ASIC2: variants seen among roughly 807,000 people sequenced by gnomAD.
The protein encoded by ASIC2 is acid sensing ion channel subunit 2.
ASIC2 carries 25 observed loss-of-function variants against 57.3 expected under a neutral mutation model. The ratio of observed to expected loss-of-function variants is 0.44; its 90% CI spans 0.32 to 0.61. The LOEUF is 0.61. ASIC2 is among the 20% of genes least tolerant of loss of function. The pLI, the probability that ASIC2 is intolerant of heterozygous loss-of-function variation, is 0.06. For missense variants in ASIC2, 641 were observed against 738.1 expected (o/e 0.87, Z 1.52); for synonymous variants, 319 against 307.5 (o/e 1.04, Z -0.39).
intron 1 of ASIC2, among the ~76,000 whole-genome samples, chr17:34,030,320 A>T (rs1377495559): frequency 1.3e-5 from 2 of 152,136 alleles, no homozygotes; most frequent in Non-Finnish European, 2.9e-5. Flanking sequence ...TAATCCATCC[A>T]TTCGAAATTT....
intron 1 of ASIC2, among the ~76,000 whole-genome samples, chr17:33,462,343 G>A (rs1912666836): frequency 6.6e-6 from 1 of 152,206 alleles, no homozygotes; most frequent in African/African-American, 2.4e-5. Flanking sequence ...AGTCAAAACA[G>A]GATATGAGTG....
intron 1 of ASIC2, among the ~76,000 whole-genome samples, chr17:33,833,513 CGTGTGTGT>C (rs142945917): frequency 1.4e-3 from 206 of 149,290 alleles, no homozygotes; most frequent in Non-Finnish European, 2.4e-3. Flanking sequence ...TGTGTATGTG[CGTGTGTGT>C]GTGTGTGTAC....
chr17:33,176,714 T>G (rs1451657996), intron 1 of ASIC2, among the ~76,000 whole-genome samples: 1 of 152,204 alleles, frequency 6.6e-6, no homozygotes, highest in East Asian at 1.9e-4. Context: ...CAGGGAAGTA[T>G]GCAGAGGAAG....
At chr17:33,344,849 AG>A (rs1907880472) in intron 1 of ASIC2, among the ~76,000 whole-genome samples, 1 of 151,892 alleles carries the variant, frequency 6.6e-6, no homozygotes, top group Non-Finnish European at 1.5e-5. Context: ...TGGCCTATAT[AG>A]GGGCCAACAT....
At chr17:33,836,069 T>TATAC (rs1555565425) in intron 1 of ASIC2, among the ~76,000 whole-genome samples, 1 of 146,450 alleles carries the variant, frequency 6.8e-6, no homozygotes, top group Non-Finnish European at 1.5e-5. Flanking sequence ...ATTATATATA[T>TATAC]ACACACACAC....
At chr17:33,325,210 A>G (rs1219749438) in intron 1 of ASIC2, among the ~76,000 whole-genome samples, 1 of 152,258 alleles carries the variant, frequency 6.6e-6, no homozygotes, top group Non-Finnish European at 1.5e-5. Flanking sequence ...ATAAGCAGAT[A>G]TTCACACAAA....
At chr17:33,467,635 C>A (rs1471112071) in intron 1 of ASIC2, among the ~76,000 whole-genome samples, 1 of 152,208 alleles carries the variant, frequency 6.6e-6, no homozygotes, top group African/African-American at 2.4e-5. Flanking sequence ...AAACCTTGGT[C>A]TCCACAACCC....
chr17:34,039,558 TG>T lies in ASIC2; in HGVS notation c.555+116419del, dbSNP rs370678341. On this transcript the variant is annotated intron_variant, in intron 1 of 9. Coordinates refer to the ASIC2 transcript ENST00000359872. ...GTTGCAGTGAGGATCGTGCAACTGGTGGAACACTTCTGCCAGGGCTGGTTCC... is the reference window on the plus strand; with the variant it reads ...GTTGCAGTGAGGATCGTGCAACTGGTGAACACTTCTGCCAGGGCTGGTTCC... 257 of 1,613,928 alleles carry T rather than the reference TG, an allele frequency of 1.6e-4. No individual in the cohort carries two copies. The African/African-American group carries it at 3.3e-3, about 21-fold the overall frequency.
In ASIC2 at chr17:33,222,763, A is replaced by G. The variant is rs146554868; in HGVS notation, c.708+68645T>C. ...AATATATTTATATGTTTCTTAAAAG[A>G]GAGCATCTTGTGCAAAATACTATTC... On this transcript the variant is annotated intron_variant, in intron 1 of 9. Coordinates refer to ENST00000225823, the MANE Select transcript of ASIC2 (RefSeq NM_183377.2). Among the ~76,000 whole-genome samples the G allele has an allele frequency of 2.8e-3, 421 of 152,352 alleles. 2 individuals carry two copies. The highest frequency in any genetic ancestry group is 9.4e-3 in the African/African-American group (389 of 41,568).
At chr17:33,919,664 T>C (rs752547970) in intron 1 of ASIC2, among the ~76,000 whole-genome samples, 11 of 152,150 alleles carry the variant, frequency 7.2e-5, no homozygotes, top group Non-Finnish European at 1.5e-4. Flanking sequence ...AAGCAAAAAT[T>C]GACAAGTGGG....
intron 1 of ASIC2, among the ~76,000 whole-genome samples, chr17:33,721,872 A>G (rs1909400401): frequency 6.6e-6 from 1 of 152,246 alleles, no homozygotes; most frequent in Admixed American, 6.5e-5. Flanking sequence ...AGGAGCTGCA[A>G]GAAGGCCAGT....
intron 3 of ASIC2, among the ~76,000 whole-genome samples, chr17:33,032,759 A>G (rs1259101167): frequency 6.6e-6 from 1 of 152,146 alleles, no homozygotes; most frequent in African/African-American, 2.4e-5. Flanking sequence ...CACTGTTAAT[A>G]TTATTTTTGC....
chr17:33,870,952 T>C (rs1306629737), intron 1 of ASIC2, among the ~76,000 whole-genome samples: 2 of 152,226 alleles, frequency 1.3e-5, no homozygotes, highest in Non-Finnish European at 2.9e-5. Context: ...TTGCAAACTG[T>C]CCTGAATGCG....
intron 1 of ASIC2, among the ~76,000 whole-genome samples, chr17:34,130,495 T>C (rs1911919321): frequency 6.6e-6 from 1 of 152,254 alleles, no homozygotes; most frequent in Non-Finnish European, 1.5e-5. Context: ...ACATCATCTA[T>C]GTCCCAGGTG....
At chr17:33,216,053 C>T (rs181116325) in intron 1 of ASIC2, among the ~76,000 whole-genome samples, 1 of 152,288 alleles carries the variant, frequency 6.6e-6, no homozygotes, top group Admixed American at 6.5e-5. Context: ...AAACTTAGGT[C>T]TACAGCACTT....
At position 33,157,126 on chromosome 17, in the gene ASIC2, C is replaced by G. The variant is rs567562999; in HGVS notation, c.709-45059G>C. On this transcript the variant is annotated intron_variant, in intron 1 of 9. Coordinates refer to ENST00000225823, the MANE Select transcript of ASIC2 (RefSeq NM_183377.2). Reference sequence around the variant, plus strand: ...GGCACGTGGTCAAGGCAAAAAAACCCCCAGCACTCCCCTCCTCAGTGTCCC... The same window carrying G: ...GGCACGTGGTCAAGGCAAAAAAACCGCCAGCACTCCCCTCCTCAGTGTCCC... 6.6e-5 allele frequency among the ~76,000 whole-genome samples: 10 copies of G among 152,188 alleles called. No homozygotes were observed. In the East Asian group the frequency reaches 7.7e-4, roughly 12 times the overall value.
intron 1 of ASIC2, chr17:33,791,772 T>C (rs1205197833): frequency 6.6e-6 from 1 of 152,002 alleles, no homozygotes; most frequent in Non-Finnish European, 1.5e-5. Flanking sequence ...GCTATAATAG[T>C]TCATAAATGG....
At chr17:33,481,845 T>G (rs1427695876) in intron 1 of ASIC2, among the ~76,000 whole-genome samples, 1 of 152,146 alleles carries the variant, frequency 6.6e-6, no homozygotes, top group Non-Finnish European at 1.5e-5. Context: ...TTACCTCCCA[T>G]CCATGCCTCC....
At chr17:33,555,271 A>C (rs1217898374) in intron 1 of ASIC2, among the ~76,000 whole-genome samples, 1 of 152,222 alleles carries the variant, frequency 6.6e-6, no homozygotes, top group Non-Finnish European at 1.5e-5. Flanking sequence ...GAATGGATTT[A>C]GAAGGTACTT....
Sources: gnomAD v4.1 joint callset for allele counts (sites outside exome capture counted in the v4.1 genomes callset) on GRCh38, gnomAD v4.1.1 for gene constraint, MANE v1.5 for transcripts, NCBI Gene and HGNC (gene_info 2026-07-23, HGNC 2026-07-21) for gene names.